The following AKAP6 variants were observed in gnomAD, a reference collection of about 807,000 sequenced individuals.
AKAP6 encodes A-kinase anchoring protein 6.
Under a neutral mutation model 188.5 loss-of-function variants are expected in AKAP6, and 58 were observed. The observed-to-expected ratio is 0.31, with a 90% CI of 0.25 to 0.38. AKAP6 has a LOEUF of 0.38. AKAP6 is among the 10% of genes least tolerant of loss of function. AKAP6 has a pLI of 1.00. For synonymous variants in AKAP6, 989 were observed against 998.6 expected, an observed-to-expected ratio of 0.99 and a Z score of 0.18; for missense variants, 2,710 against 2,740.0, an observed-to-expected ratio of 0.99 and a Z score of 0.24.
intron 2 of AKAP6, among the ~76,000 whole-genome samples, chr14:32,449,737 T>C (rs907084289): frequency 6.6e-6 from 1 of 152,084 alleles, no homozygotes; most frequent in African/African-American, 2.4e-5. Flanking sequence ...AGCAAGTAGG[T>C]AGTAACTGCT....
intron 5 of AKAP6, among the ~76,000 whole-genome samples, chr14:32,598,556 C>A (rs1885798068): frequency 6.6e-6 from 1 of 152,064 alleles, no homozygotes; most frequent in African/African-American, 2.4e-5. Flanking sequence ...TTGTATGTGA[C>A]ATGAATTGGA....
Position 32,786,296 on chromosome 14 carries a change from ATC to A in AKAP6, c.3588+12405_3588+12406del, listed in dbSNP as rs2033404692. 6.0e-4 allele frequency among the ~76,000 whole-genome samples: 56 copies of A among 93,714 alleles called. 14 individuals are homozygous for A. Among genetic ancestry groups the A allele is most frequent in the South Asian group, 4.9e-3 (13 of 2,676 alleles). The allele number at this position is 93,714 out of a possible 152,430, so 61.5% of individuals were successfully genotyped here. On this transcript the variant is annotated intron_variant, in intron 12 of 13. Transcript: ENST00000280979. ...AGCCCTCTGAAAGACCTAAACCTTT[ATC>A]TTTTTTTTTTTTTTTTTTTTTTTTT...
chr14:32,573,856 C>T (rs865885638), intron 4 of AKAP6, among the ~76,000 whole-genome samples: 20 of 152,158 alleles, frequency 1.3e-4, no homozygotes, highest in African/African-American at 3.9e-4. Context: ...TACACCTGCA[C>T]ATCCACATGG....
chr14:32,404,691 G>GATAGATAGATATATATATATAGATATAT, intron 1 of AKAP6, among the ~76,000 whole-genome samples: 2 of 44,438 alleles, frequency 4.5e-5, no homozygotes, highest in Non-Finnish European at 9.2e-5. Flanking sequence ...GGAGTCAGGA[G>GATAGATAGATATATATATATAGATATAT]ATATATATAT....
At chr14:32,808,366 AC>A (rs1555364703) in intron 12 of AKAP6, among the ~76,000 whole-genome samples, 1 of 151,942 alleles carries the variant, frequency 6.6e-6, no homozygotes, top group Non-Finnish European at 1.5e-5. Context: ...CGTATTGCCT[AC>A]TCCACCTCCT....
At chr14:32,750,480 C>T (rs1011509767) in intron 11 of AKAP6, among the ~76,000 whole-genome samples, 4 of 151,784 alleles carry the variant, frequency 2.6e-5, no homozygotes, top group African/African-American at 9.7e-5. Flanking sequence ...ATAGCACTTT[C>T]GGAGACCAAA....
At chr14:32,722,475 C>G (rs2030597137) in intron 9 of AKAP6, among the ~76,000 whole-genome samples, 1 of 152,090 alleles carries the variant, frequency 6.6e-6, no homozygotes, top group Non-Finnish European at 1.5e-5. Context: ...GAACCGCAGC[C>G]CTAAATGAGA....
chr14:32,775,827 CCAAA>C (rs1207671334), intron 12 of AKAP6, among the ~76,000 whole-genome samples: 1 of 152,126 alleles, frequency 6.6e-6, no homozygotes, highest in Non-Finnish European at 1.5e-5. Flanking sequence ...GATACAAATT[CCAAA>C]CAGAGAAAGG....
At chr14:32,802,910 C>G (rs2033987485) in intron 12 of AKAP6, among the ~76,000 whole-genome samples, 1 of 151,986 alleles carries the variant, frequency 6.6e-6, no homozygotes, top group Non-Finnish European at 1.5e-5. Context: ...CCAGCCTGGC[C>G]AATATGGTGA....
At chr14:32,427,031 A>G (rs1890056463) in intron 1 of AKAP6, among the ~76,000 whole-genome samples, 1 of 152,158 alleles carries the variant, frequency 6.6e-6, no homozygotes, top group Non-Finnish European at 1.5e-5. Context: ...GCACAGCTGT[A>G]CAAAAGGAAA....
chr14:32,540,584 A>G (rs1407393270), intron 3 of AKAP6, among the ~76,000 whole-genome samples: 2 of 152,094 alleles, frequency 1.3e-5, no homozygotes, highest in Non-Finnish European at 2.9e-5. Flanking sequence ...AGTACTACAC[A>G]ATTACATGTG....
At chr14:32,512,275 C>T (rs912386726) in intron 2 of AKAP6, among the ~76,000 whole-genome samples, 27 of 152,184 alleles carry the variant, frequency 1.8e-4, no homozygotes, top group African/African-American at 6.3e-4. Flanking sequence ...TGAAACTCCA[C>T]TCGTTGTTTG....
chr14:32,572,265 C>T (rs12589525), intron 4 of AKAP6, among the ~76,000 whole-genome samples: 37,394 of 152,178 alleles, frequency 0.25, 4,918 homozygotes, highest in East Asian at 0.58. Flanking sequence ...AACACCATCT[C>T]GAAGATTTGT....
At chr14:32,486,575 G>A (rs1022951281) in intron 2 of AKAP6, among the ~76,000 whole-genome samples, 5 of 152,116 alleles carry the variant, frequency 3.3e-5, no homozygotes, top group Non-Finnish European at 5.9e-5. Flanking sequence ...TCTCTTTGTA[G>A]CAATTGTGAA....
intron 5 of AKAP6, among the ~76,000 whole-genome samples, chr14:32,582,973 C>G (rs1238332744): frequency 1.3e-5 from 2 of 152,196 alleles, no homozygotes; most frequent in African/African-American, 4.8e-5. Context: ...TCATCTGAAG[C>G]CTTCTTCTCT....
At chr14:32,510,460 GTGTA>G (rs1229123124) in intron 2 of AKAP6, among the ~76,000 whole-genome samples, 9 of 46,884 alleles carry the variant, frequency 1.9e-4, no homozygotes, top group African/African-American at 4.5e-4. Flanking sequence ...ACATATATAT[GTGTA>G]TATATATATA....
intron 11 of AKAP6, 73 bp downstream of exon 11, chr14:32,735,955 A>C (rs2031401352): frequency 3.5e-6 from 4 of 1,144,224 alleles, no homozygotes. Flanking sequence ...CAAGTACATG[A>C]AGTATTATAC....
chr14:32,444,869 G>T (rs1347357208), intron 2 of AKAP6, among the ~76,000 whole-genome samples: 1 of 152,202 alleles, frequency 6.6e-6, no homozygotes, highest in South Asian at 2.1e-4. Context: ...AGGGAAAATG[G>T]AATCTATTTC....
At chr14:32,472,792 C>T (rs1468467091) in intron 2 of AKAP6, among the ~76,000 whole-genome samples, 1 of 152,130 alleles carries the variant, frequency 6.6e-6, no homozygotes, top group Non-Finnish European at 1.5e-5. Context: ...CCACCATCAC[C>T]ATCTCTTAGC....
Sources: allele counts gnomAD v4.1 joint callset (sites outside exome capture counted in the v4.1 genomes callset), GRCh38; gene constraint gnomAD v4.1.1; transcripts MANE v1.5; gene names NCBI Gene and HGNC (gene_info 2026-07-23, HGNC 2026-07-21).